The following ANO4 variants were observed in gnomAD, a reference collection of about 807,000 sequenced individuals.
The protein encoded by ANO4 is anoctamin 4.
Under a neutral mutation model 141.9 loss-of-function variants are expected in ANO4, and 69 were observed. The observed-to-expected ratio is 0.49, with a 90% CI of 0.40 to 0.59. The LOEUF is 0.59. Ranked by LOEUF, ANO4 falls within the 20% of genes least tolerant of loss-of-function variation. The pLI is 0.00. For synonymous variants in ANO4, 350 were observed against 394.3 expected (o/e 0.89, Z 1.33); for missense variants, 894 against 1,162.2 (o/e 0.77, Z 3.36).
chr12:100,812,987 G>A (rs1018380589), intron 1 of ANO4, among the ~76,000 whole-genome samples: 4 of 152,170 alleles, frequency 2.6e-5, no homozygotes, highest in African/African-American at 9.6e-5. Context: ...CCTGTGTATT[G>A]TTTATCTCAA....
chr12:100,796,940 T>C lies in ANO4; in HGVS notation c.-141+1913T>C, dbSNP rs1057240510. On this transcript the variant is annotated intron_variant, in intron 1 of 27. Coordinates refer to ENST00000392977, the MANE Select transcript of ANO4 (RefSeq NM_001286615.2). ...AGTGTTAGAATCAGCTTGGGTGTCA[T>C]GGAAATAGACTCAGTATTTCTCACT... 2.0e-5 allele frequency among the ~76,000 whole-genome samples: 3 copies of C among 152,310 alleles called. No individual in the cohort carries two copies. In the East Asian group the frequency reaches 5.8e-4, roughly 29 times the overall value.
chr12:100,720,232 C>T (rs1259294672), intron 1 of ANO4, among the ~76,000 whole-genome samples: 1 of 152,012 alleles, frequency 6.6e-6, no homozygotes, highest in African/African-American at 2.4e-5. Context: ...ACAGACCTGG[C>T]CTGGACCTGT....
intron 7 of ANO4, among the ~76,000 whole-genome samples, chr12:100,977,194 T>C (rs1468533401): frequency 6.6e-6 from 1 of 152,176 alleles, no homozygotes; most frequent in African/African-American, 2.4e-5. Flanking sequence ...ATGTAATAAT[T>C]ATGTCTTTGC....
chr12:100,955,072 A>G (rs992397357), intron 5 of ANO4, among the ~76,000 whole-genome samples: 5 of 152,356 alleles, frequency 3.3e-5, no homozygotes, highest in African/African-American at 1.2e-4. Context: ...ATCAATCCTC[A>G]TGCACACGTG....
chr12:101,015,745 G>A (rs1215758231), intron 8 of ANO4, among the ~76,000 whole-genome samples: 5 of 152,146 alleles, frequency 3.3e-5, no homozygotes, highest in Non-Finnish European at 7.4e-5. Context: ...CAGTGCATGG[G>A]AGTGGATATG....
At chr12:101,064,663 TATAATAATA>T (rs199759578) in intron 14 of ANO4, among the ~76,000 whole-genome samples, 1,305 of 130,188 alleles carry the variant, frequency 0.01, 29 homozygotes, top group South Asian at 0.058. Context: ...CTTAAAGTAT[TATAATAATA>T]ATAATAATAA....
chr12:100,748,815 G>A (rs1278573735), intron 3 of ANO4, among the ~76,000 whole-genome samples: 2 of 152,012 alleles, frequency 1.3e-5, no homozygotes, highest in African/African-American at 4.8e-5. Flanking sequence ...AAAATGGGAT[G>A]TCATCTTCCT....
chr12:101,028,756 T>C (rs910620853), intron 9 of ANO4, among the ~76,000 whole-genome samples: 2 of 152,060 alleles, frequency 1.3e-5, no homozygotes, highest in African/African-American at 2.4e-5. Context: ...GAAAACAAAC[T>C]TCAGGATATT....
intron 7 of ANO4, 29 bp from the exon 8 acceptor site, chr12:100,987,510 C>A (rs765955159): frequency 1.2e-6 from 2 of 1,609,098 alleles, no homozygotes; most frequent in Admixed American, 3.3e-5. Flanking sequence ...CATGCTGTAC[C>A]CTTTGGTCTT....
intron 3 of ANO4, among the ~76,000 whole-genome samples, chr12:100,763,559 C>T (rs1215563596): frequency 1.3e-5 from 2 of 152,236 alleles, no homozygotes; most frequent in Admixed American, 6.5e-5. Context: ...TCTCCATCCA[C>T]AGTCACCTGT....
chr12:101,029,907 T>TAAAA lies in ANO4; in HGVS notation c.842-7176_842-7173dup, dbSNP rs59678820. On this transcript the variant is annotated intron_variant, in intron 9 of 27. Transcript: ENST00000392977. The stretch of plus-strand genomic sequence containing the variant: ...CCTCGTGAAAGAGCAAGTCTCCGTC[T>TAAAA]AAAAAAAAAAAAAAAGAGCTAACTA... Among the ~76,000 whole-genome samples the TAAAA allele has an allele frequency of 4.4e-4, 42 of 96,198 alleles. 2 individuals are homozygous for TAAAA. The highest frequency in any genetic ancestry group is 1.7e-3 in the African/African-American group (38 of 21,760). 63.1% of individuals were successfully genotyped at this position (96,198 alleles called of 152,430 possible).
At chr12:100,805,304 T>G (rs183764390) in intron 1 of ANO4, among the ~76,000 whole-genome samples, 7 of 152,250 alleles carry the variant, frequency 4.6e-5, no homozygotes, top group Non-Finnish European at 8.8e-5. Context: ...GTTCCATTGG[T>G]CTGTGTGTCT....
intron 1 of ANO4, among the ~76,000 whole-genome samples, chr12:100,875,259 A>G (rs1157225696): frequency 6.6e-6 from 1 of 152,128 alleles, no homozygotes. Flanking sequence ...TGTTCTTGTG[A>G]TAGTGAGTGA....
intron 14 of ANO4, among the ~76,000 whole-genome samples, chr12:101,058,160 T>C (rs2048201695): frequency 6.6e-6 from 1 of 152,200 alleles, no homozygotes; most frequent in South Asian, 2.1e-4. Flanking sequence ...TTATCAAAGA[T>C]TAGATGGTTG....
intron 7 of ANO4, among the ~76,000 whole-genome samples, chr12:100,984,538 A>T (rs991748999): frequency 7.2e-5 from 11 of 152,250 alleles, no homozygotes; most frequent in Admixed American, 2.0e-4. Context: ...CATACTCACC[A>T]TGTTTTATGA....
Position 100,806,524 on chromosome 12 carries a change from G to GTTTTTTTTTTTTTTTTTTTTTTTTTTTT in ANO4, c.-141+11506_-141+11533dup, listed in dbSNP as rs763949654. The stretch of plus-strand genomic sequence containing the variant: ...TTTTAGGAGGTTTTTTTTTTGTTTC[G>GTTTTTTTTTTTTTTTTTTTTTTTTTTTT]TTTTTTTTTTTTTTTTTTTTTTTTT... On this transcript the variant is annotated intron_variant, in intron 1 of 27. Transcript: ENST00000392977. Among the ~76,000 whole-genome samples the GTTTTTTTTTTTTTTTTTTTTTTTTTTTT allele has an allele frequency of 4.2e-4, 25 of 59,838 alleles. 7 individuals are homozygous for GTTTTTTTTTTTTTTTTTTTTTTTTTTTT. The highest frequency in any genetic ancestry group is 5.5e-4 in the Non-Finnish European group (17 of 30,962). The allele number at this position is 59,838 out of a possible 152,430, so 39.3% of individuals were successfully genotyped here.
intron 1 of ANO4, among the ~76,000 whole-genome samples, chr12:100,894,199 T>C (rs1943212593): frequency 6.6e-6 from 1 of 152,138 alleles, no homozygotes; most frequent in Non-Finnish European, 1.5e-5. Context: ...GCCAGATTTT[T>C]GTGACATGCT....
At chr12:100,739,712 C>A (rs2031779204) in intron 2 of ANO4, 2 of 624,572 alleles carry the variant, frequency 3.2e-6, no homozygotes, top group Non-Finnish European at 2.9e-6. Context: ...AGGGATGATG[C>A]CTGCCTGTTT....
At chr12:101,095,392 A>G (rs1378366581) in intron 18 of ANO4, among the ~76,000 whole-genome samples, 1 of 152,212 alleles carries the variant, frequency 6.6e-6, no homozygotes, top group Admixed American at 6.5e-5. Flanking sequence ...TTGGAGGTAC[A>G]GTCCTGGTCC....
Sources: gnomAD v4.1 joint callset for allele counts (sites outside exome capture counted in the v4.1 genomes callset) on GRCh38, gnomAD v4.1.1 for gene constraint, MANE v1.5 for transcripts, NCBI Gene and HGNC (gene_info 2026-07-23, HGNC 2026-07-21) for gene names.